Variants in PHACTR1 observed in about 807,000 individuals in gnomAD.
The protein encoded by PHACTR1 is phosphatase and actin regulator 1.
PHACTR1 carries 16 observed loss-of-function variants against 69.2 expected under a neutral mutation model. The ratio of observed to expected loss-of-function variants is 0.23; its 90% CI spans 0.16 to 0.35. PHACTR1 has a LOEUF of 0.35. PHACTR1 is among the 10% of genes least tolerant of loss of function. The pLI, the probability that PHACTR1 is intolerant of heterozygous loss-of-function variation, is 1.00. For synonymous variants in PHACTR1, 312 were observed against 284.5 expected (o/e 1.10, Z -0.97); for missense variants, 510 against 734.7 (o/e 0.69, Z 3.54).
intron 4 of PHACTR1, among the ~76,000 whole-genome samples, chr6:12,842,576 C>T (rs1778800105): frequency 1.3e-5 from 2 of 152,178 alleles, no homozygotes; most frequent in African/African-American, 4.8e-5. Context: ...CTCAATCTCA[C>T]TCTCACTCAG....
At chr6:13,258,821 T>C (rs977505938) in intron 10 of PHACTR1, among the ~76,000 whole-genome samples, 3 of 152,218 alleles carry the variant, frequency 2.0e-5, no homozygotes, top group Admixed American at 2.0e-4. Flanking sequence ...AATTTTAGTT[T>C]TTAAGGTGTG....
At chr6:12,736,057 T>C (rs185647959) in intron 3 of PHACTR1, among the ~76,000 whole-genome samples, 118 of 152,350 alleles carry the variant, frequency 7.7e-4, no homozygotes, top group Non-Finnish European at 1.4e-3. Context: ...GATGTACTAA[T>C]AACATTTCCT....
At chr6:13,213,928 G>A (rs897184404) in intron 8 of PHACTR1, 4 of 152,350 alleles carry the variant, frequency 2.6e-5, no homozygotes, top group African/African-American at 9.6e-5. Context: ...CATGTAGGAA[G>A]TATTCTGAAA....
chr6:13,059,416 C>T (rs1426426880), intron 5 of PHACTR1, among the ~76,000 whole-genome samples: 3 of 151,724 alleles, frequency 2.0e-5, no homozygotes, highest in Non-Finnish European at 4.4e-5. Flanking sequence ...GTATTGTGCA[C>T]TTAAAAATTT....
At chr6:12,976,955 C>T (rs1330878700) in intron 4 of PHACTR1, among the ~76,000 whole-genome samples, 1 of 152,050 alleles carries the variant, frequency 6.6e-6, no homozygotes, top group African/African-American at 2.4e-5. Flanking sequence ...GTATAGGGTT[C>T]GCTATGATCT....
chr6:13,127,577 C>G (rs1223509), intron 5 of PHACTR1, among the ~76,000 whole-genome samples: 132,616 of 152,196 alleles, frequency 0.87, 60,258 homozygotes, highest in Non-Finnish European at 0.99. Flanking sequence ...AAAAAAGAAA[C>G]AAAGGAAAAT....
intron 4 of PHACTR1, among the ~76,000 whole-genome samples, chr6:12,808,756 CTCT>C (rs898332089): frequency 8.5e-5 from 12 of 140,470 alleles, no homozygotes; most frequent in African/African-American, 2.3e-4. Context: ...CTTCCTCTTC[CTCT>C]TCTTCTTCTT....
chr6:13,033,409 C>T (rs1295094546), intron 4 of PHACTR1, among the ~76,000 whole-genome samples: 1 of 152,168 alleles, frequency 6.6e-6, no homozygotes. Flanking sequence ...AGGTTATCAT[C>T]ATACTATTAT....
At chr6:12,915,838 C>T (rs963268455) in intron 4 of PHACTR1, among the ~76,000 whole-genome samples, 1 of 152,232 alleles carries the variant, frequency 6.6e-6, no homozygotes, top group African/African-American at 2.4e-5. Context: ...TTTGCTCTCA[C>T]ATGGACTTTG....
At chr6:12,831,977 A>G (rs144160705) in intron 4 of PHACTR1, among the ~76,000 whole-genome samples, 1 of 152,242 alleles carries the variant, frequency 6.6e-6, no homozygotes, top group East Asian at 1.9e-4. Flanking sequence ...TTGACGGTAC[A>G]TCCATCTGTA....
At chr6:13,144,365 A>T (rs1822967625) in intron 5 of PHACTR1, among the ~76,000 whole-genome samples, 1 of 152,220 alleles carries the variant, frequency 6.6e-6, no homozygotes. Context: ...ATCTCTGGAT[A>T]CAAGGTCAAT....
intron 4 of PHACTR1, among the ~76,000 whole-genome samples, chr6:12,877,051 G>A (rs1042920671): frequency 3.8e-4 from 58 of 152,248 alleles, no homozygotes; most frequent in African/African-American, 1.0e-3. Flanking sequence ...ACTCTTCCAC[G>A]CTGAGGAAAG....
intron 4 of PHACTR1, among the ~76,000 whole-genome samples, chr6:12,813,333 C>T (rs1314568202): frequency 6.6e-6 from 1 of 152,162 alleles, no homozygotes; most frequent in African/African-American, 2.4e-5. Flanking sequence ...CTTCATGAAC[C>T]AGCTTCAGGG....
chr6:12,993,012 A>G (rs1319505609), intron 4 of PHACTR1, among the ~76,000 whole-genome samples: 1 of 152,222 alleles, frequency 6.6e-6, no homozygotes, highest in Non-Finnish European at 1.5e-5. Flanking sequence ...TGACAAAGAA[A>G]AAGGAAGATA....
At chr6:13,177,177 A>C (rs1761448163) in intron 6 of PHACTR1, among the ~76,000 whole-genome samples, 1 of 57,136 alleles carries the variant, frequency 1.8e-5, no homozygotes, top group African/African-American at 3.6e-5. Context: ...ATCTCTAAAA[A>C]AAAAAAAAAA....
intron 3 of PHACTR1, among the ~76,000 whole-genome samples, chr6:12,742,622 G>A (rs1367384457): frequency 6.6e-6 from 1 of 152,094 alleles, no homozygotes; most frequent in Admixed American, 6.6e-5. Context: ...ATTCAAGATG[G>A]ATTTGTTCTG....
intron 4 of PHACTR1, among the ~76,000 whole-genome samples, chr6:12,908,748 G>A (rs1289097272): frequency 1.3e-5 from 2 of 152,170 alleles, no homozygotes; most frequent in Non-Finnish European, 2.9e-5. Flanking sequence ...TGGAACTGCA[G>A]GTCAGCCGGG....
chr6:12,910,660 C>T (rs868374892), intron 4 of PHACTR1, among the ~76,000 whole-genome samples: 4 of 152,132 alleles, frequency 2.6e-5, no homozygotes, highest in African/African-American at 4.8e-5. Context: ...ACAGAAGTCC[C>T]CTTTTGTCAG....
intron 4 of PHACTR1, among the ~76,000 whole-genome samples, chr6:12,937,613 A>G (rs1490727991): frequency 3.9e-5 from 6 of 152,216 alleles, no homozygotes; most frequent in East Asian, 1.9e-4. Context: ...TTATGAAGAA[A>G]GATAAAACAG....
Sources: gnomAD v4.1 joint callset for allele counts (sites outside exome capture counted in the v4.1 genomes callset) on GRCh38, gnomAD v4.1.1 for gene constraint, MANE v1.5 for transcripts, NCBI Gene and HGNC (gene_info 2026-07-23, HGNC 2026-07-21) for gene names.